SNX10: variants seen among roughly 807,000 people sequenced by gnomAD.
SNX10 encodes sorting nexin-10.
Under a neutral mutation model 28.5 loss-of-function variants are expected in SNX10, and 25 were observed. The observed-to-expected ratio is 0.88, with a 90% CI of 0.64 to 1.22. SNX10 has a LOEUF of 1.22. Ranked by LOEUF, SNX10 falls within the 50% of genes most tolerant of loss-of-function variation. The pLI is 0.00. For synonymous variants in SNX10, 62 were observed against 81.4 expected, an observed-to-expected ratio of 0.76 and a Z score of 1.28; for missense variants, 223 against 242.6, an observed-to-expected ratio of 0.92 and a Z score of 0.54.
chr7:26,337,641 T>C (rs1213600444), intron 1 of SNX10, among the ~76,000 whole-genome samples: 1 of 152,240 alleles, frequency 6.6e-6, no homozygotes, highest in Admixed American at 6.5e-5. Flanking sequence ...GTGGCAGAAT[T>C]TCCTTCCCTT....
chr7:26,299,054 A>G (rs1035413401), intron 1 of SNX10, among the ~76,000 whole-genome samples: 1 of 152,234 alleles, frequency 6.6e-6, no homozygotes, highest in Admixed American at 6.5e-5. Flanking sequence ...AAGTAATGAA[A>G]GCAAAGTGGA....
At chr7:26,319,287 ATATACT>A (rs67242477) in intron 1 of SNX10, among the ~76,000 whole-genome samples, 50,758 of 151,736 alleles carry the variant, frequency 0.33, 10,473 homozygotes, top group South Asian at 0.48. Context: ...TGAAAATTAA[ATATACT>A]TATGAAATGT....
chr7:26,334,861 G>C (rs1034297414), intron 1 of SNX10, among the ~76,000 whole-genome samples: 3 of 152,132 alleles, frequency 2.0e-5, no homozygotes, highest in Non-Finnish European at 4.4e-5. Context: ...GCCTTTTCTA[G>C]TTCTAATCTG....
chr7:26,353,952 C>T (rs1233079744), intron 2 of SNX10: 2 of 152,192 alleles, frequency 1.3e-5, no homozygotes, highest in Admixed American at 1.3e-4. Context: ...AGAAAATTCT[C>T]ATCAAAGCTA....
At chr7:26,348,062 G>A (rs1368913477) in intron 2 of SNX10, among the ~76,000 whole-genome samples, 2 of 152,144 alleles carry the variant, frequency 1.3e-5, no homozygotes, top group African/African-American at 2.4e-5. Context: ...TTGCAGACAT[G>A]AGCCACTGAT....
At chr7:26,354,664 A>T (rs2128017563) in intron 2 of SNX10, among the ~76,000 whole-genome samples, 1 of 151,492 alleles carries the variant, frequency 6.6e-6, no homozygotes, top group South Asian at 2.1e-4. Flanking sequence ...TACAGGAGAG[A>T]GCCACCTCAC....
chr7:26,348,573 G>A (rs910517110), intron 2 of SNX10, among the ~76,000 whole-genome samples: 1 of 152,200 alleles, frequency 6.6e-6, no homozygotes, highest in African/African-American at 2.4e-5. Context: ...AGCCATGGGC[G>A]GAGTTATCCT....
chr7:26,303,146 G>A (rs1423683964), intron 1 of SNX10, among the ~76,000 whole-genome samples: 1 of 152,132 alleles, frequency 6.6e-6, no homozygotes, highest in Non-Finnish European at 1.5e-5. Context: ...TCTTTGAAAG[G>A]CTTTGTCATG....
Position 26,364,940 on chromosome 7 carries a change from G to T in SNX10, c.213-107G>T. ...GTATAATCATAATTATAGAATAACT[G>T]TGTGATAATAATCATCATACATAAT... On this transcript the variant is annotated intron_variant, in intron 4 of 6. Transcript: ENST00000338523. This position sits in a 1 kb window ranked among gnomAD's most constrained non-coding sequence, Gnocchi z 4.9. 1 of 663,548 alleles carries T rather than the reference G, an allele frequency of 1.5e-6. No homozygotes were observed. Among genetic ancestry groups the T allele is most frequent in the South Asian group, 1.8e-5 (1 of 56,110 alleles). 41.1% of individuals were successfully genotyped at this position (663,548 alleles called of 1,614,324 possible).
At chr7:26,368,331 A>G (rs1789377046) in intron 5 of SNX10, among the ~76,000 whole-genome samples, 1 of 152,120 alleles carries the variant, frequency 6.6e-6, no homozygotes, top group Non-Finnish European at 1.5e-5. Flanking sequence ...AAATATATTC[A>G]TTTTTCTTCA....
chr7:26,350,377 A>G (rs3801884), intron 2 of SNX10, among the ~76,000 whole-genome samples: 9,643 of 152,088 alleles, frequency 0.063, 575 homozygotes, highest in East Asian at 0.25. Context: ...GCAGGGAGGG[A>G]TGTGTTGCCA....
At chr7:26,334,612 C>G (rs1178231506) in intron 1 of SNX10, among the ~76,000 whole-genome samples, 1 of 152,138 alleles carries the variant, frequency 6.6e-6, no homozygotes, top group Non-Finnish European at 1.5e-5. Context: ...GGCCTACTAT[C>G]AAGTTCATGA....
intron 1 of SNX10, among the ~76,000 whole-genome samples, chr7:26,304,853 A>G (rs1229541721): frequency 6.6e-6 from 1 of 151,910 alleles, no homozygotes; most frequent in Non-Finnish European, 1.5e-5. Context: ...TCATCTTTTA[A>G]CTCCGGGTTC....
chr7:26,330,395 G>A (rs760210055), intron 1 of SNX10, among the ~76,000 whole-genome samples: 13 of 152,080 alleles, frequency 8.5e-5, no homozygotes, highest in Non-Finnish European at 1.3e-4. Flanking sequence ...GACAATTTGG[G>A]TTCTGCTGGT....
intron 1 of SNX10, among the ~76,000 whole-genome samples, chr7:26,341,646 G>A (rs1480959068): frequency 6.6e-6 from 1 of 151,796 alleles, no homozygotes; most frequent in Non-Finnish European, 1.5e-5. Flanking sequence ...CAGCATGCCC[G>A]GCTAATTTTT....
chr7:26,344,247 CTGCAACTTT>C (rs903609423), intron 1 of SNX10, among the ~76,000 whole-genome samples: 5 of 149,770 alleles, frequency 3.3e-5, no homozygotes, highest in African/African-American at 9.9e-5. Flanking sequence ...TCTCAGCTCA[CTGCAACTTT>C]TGCTTCCCAG....
intron 1 of SNX10, among the ~76,000 whole-genome samples, chr7:26,297,968 C>T (rs987044652): frequency 1.3e-5 from 2 of 152,132 alleles, no homozygotes; most frequent in Admixed American, 6.5e-5. Flanking sequence ...CGGTGGCTCA[C>T]GCCTGTAATC....
At chr7:26,369,377 A>G (rs545604275) in intron 5 of SNX10, among the ~76,000 whole-genome samples, 35 of 152,220 alleles carry the variant, frequency 2.3e-4, no homozygotes, top group Non-Finnish European at 4.6e-4. Flanking sequence ...TAGTAAGCCA[A>G]ATAGTACTCA....
intron 1 of SNX10, among the ~76,000 whole-genome samples, chr7:26,337,927 A>G (rs1270752135): frequency 6.6e-6 from 1 of 152,162 alleles, no homozygotes; most frequent in African/African-American, 2.4e-5. Flanking sequence ...CATTGCTGCC[A>G]ACAGAAGGGT....
Sources: gnomAD v4.1 joint callset for allele counts (sites outside exome capture counted in the v4.1 genomes callset) on GRCh38, gnomAD v4.1.1 for gene constraint, Gnocchi (gnomAD v3.1) non-coding constraint, MANE v1.5 for transcripts, NCBI Gene and HGNC (gene_info 2026-07-23, HGNC 2026-07-21) for gene names.